Variants in CYYR1 observed in about 807,000 individuals in gnomAD.
CYYR1 encodes the protein cysteine and tyrosine-rich protein 1.
Under a neutral mutation model 15.2 loss-of-function variants are expected in CYYR1, and 14 were observed. The observed-to-expected ratio is 0.92, with a 90% confidence interval of 0.61 to 1.44. CYYR1 has a LOEUF of 1.44. Ranked by LOEUF, CYYR1 falls within the 40% of genes most tolerant of loss-of-function variation. CYYR1 has a pLI of 0.00. For missense variants in CYYR1, 228 were observed against 209.5 expected, an observed-to-expected ratio of 1.09 and a Z score of -0.54; for synonymous variants, 80 against 77.4, an observed-to-expected ratio of 1.03 and a Z score of -0.18.
In CYYR1 at chr21:26,502,887, C is replaced by A. The variant is rs2065501393; in HGVS notation, c.177-22458G>T. ...TGAATATTTCTGTGATGAATTTTTT[C>A]TTTTTATTTCTTATTTACATAAGCT... is the stretch of plus-strand genomic sequence containing the variant. On this transcript the variant is annotated intron_variant, in intron 2 of 3. Coordinates refer to ENST00000652641, the MANE Select transcript of CYYR1 (RefSeq NM_001320768.2). Among the ~76,000 whole-genome samples, 3 of 151,988 alleles carry A rather than the reference C, an allele frequency of 2.0e-5. No homozygotes were observed. The South Asian group carries it at 6.2e-4, about 32-fold the overall frequency.
At chr21:26,487,244 T>C (rs1423140901) in intron 2 of CYYR1, among the ~76,000 whole-genome samples, 1 of 152,052 alleles carries the variant, frequency 6.6e-6, no homozygotes, top group Non-Finnish European at 1.5e-5. Flanking sequence ...AAAGTAACCA[T>C]AGCTTCAAAA....
chr21:26,468,899 A>G (rs1186535303), intron 3 of CYYR1, among the ~76,000 whole-genome samples: 1 of 152,114 alleles, frequency 6.6e-6, no homozygotes, highest in African/African-American at 2.4e-5. Flanking sequence ...GGTGAGGGAC[A>G]ATTCAGGTTG....
At position 26,468,239 on chromosome 21, in the gene CYYR1, T is replaced by G; in HGVS notation, c.*262A>C. On this transcript the variant is annotated 3_prime_UTR_variant, in exon 4 of 4. Transcript: ENST00000652641. ...ATTATCAGATATTTTGTCAATTACATTACTCTTCCCTGAATGTGCTTAGGT... is the reference window on the plus strand; with the variant it reads ...ATTATCAGATATTTTGTCAATTACAGTACTCTTCCCTGAATGTGCTTAGGT... The G allele has an allele frequency of 2.1e-6, 1 of 465,682 alleles. No homozygotes were observed. Among genetic ancestry groups the G allele is most frequent in the Non-Finnish European group, 3.9e-6 (1 of 253,256 alleles). 28.8% of individuals were successfully genotyped at this position (465,682 alleles called of 1,614,324 possible).
At chr21:26,527,816 G>A (rs1001224827) in intron 2 of CYYR1, among the ~76,000 whole-genome samples, 1 of 152,146 alleles carries the variant, frequency 6.6e-6, no homozygotes, top group Non-Finnish European at 1.5e-5. Context: ...TGATTTGAGG[G>A]TGTGTGCACC....
chr21:26,544,703 T>A (rs543238164), intron 2 of CYYR1, among the ~76,000 whole-genome samples: 1 of 152,314 alleles, frequency 6.6e-6, no homozygotes, highest in East Asian at 1.9e-4. Context: ...TAAACATTAT[T>A]TAAATAAATT....
At chr21:26,497,776 A>G (rs2065427675) in intron 2 of CYYR1, among the ~76,000 whole-genome samples, 1 of 152,196 alleles carries the variant, frequency 6.6e-6, no homozygotes, top group Admixed American at 6.5e-5. Context: ...GGACCAATCA[A>G]TTTAGAATCA....
intron 2 of CYYR1, among the ~76,000 whole-genome samples, chr21:26,534,944 TATTCCC>T (rs926917439): frequency 1.3e-5 from 2 of 152,220 alleles, no homozygotes; most frequent in African/African-American, 4.8e-5. Flanking sequence ...TAAATATAAC[TATTCCC>T]ATTTTACAGA....
chr21:26,553,663 C>T (rs1412706594), intron 2 of CYYR1, among the ~76,000 whole-genome samples: 3 of 152,144 alleles, frequency 2.0e-5, no homozygotes, highest in South Asian at 4.1e-4. Flanking sequence ...TATTTACTTT[C>T]CACAGTCCTG....
intron 2 of CYYR1, among the ~76,000 whole-genome samples, chr21:26,524,581 G>A (rs1012573081): frequency 6.6e-6 from 1 of 151,938 alleles, no homozygotes; most frequent in Non-Finnish European, 1.5e-5. Context: ...GGATTCAGAT[G>A]GCTGGAAGCT....
intron 2 of CYYR1, among the ~76,000 whole-genome samples, chr21:26,556,108 T>C (rs1979759173): frequency 1.3e-5 from 2 of 152,222 alleles, no homozygotes; most frequent in South Asian, 2.1e-4. Flanking sequence ...AAAGTGACAA[T>C]TGATTCTATC....
chr21:26,564,876 T>A, intron 2 of CYYR1: 3 of 1,096,080 alleles, frequency 2.7e-6, no homozygotes, highest in Non-Finnish European at 3.5e-6. Context: ...TTATTAATAA[T>A]ATATTTTGTT....
chr21:26,489,140 A>G (rs1457912598), intron 2 of CYYR1, among the ~76,000 whole-genome samples: 2 of 152,208 alleles, frequency 1.3e-5, no homozygotes, highest in Non-Finnish European at 2.9e-5. Context: ...AAGAGACTGC[A>G]TTCAATTTCA....
At chr21:26,532,903 G>A (rs17536810) in intron 2 of CYYR1, among the ~76,000 whole-genome samples, 6,943 of 151,958 alleles carry the variant, frequency 0.046, 185 homozygotes, top group South Asian at 0.062. Context: ...AAAAAATGTC[G>A]TATAAAATTA....
intron 2 of CYYR1, chr21:26,550,350 G>C (rs1979298057): frequency 6.6e-6 from 1 of 152,044 alleles, no homozygotes; most frequent in African/African-American, 2.4e-5. Flanking sequence ...CAAAAACATT[G>C]AAATTAGGCC....
At chr21:26,550,203 A>G (rs1979284392) in intron 2 of CYYR1, 1 of 152,164 alleles carries the variant, frequency 6.6e-6, no homozygotes, top group African/African-American at 2.4e-5. Context: ...TATTGTAATT[A>G]CTTTCGGCCA....
At chr21:26,546,681 A>G (rs1310580268) in intron 2 of CYYR1, among the ~76,000 whole-genome samples, 2 of 152,206 alleles carry the variant, frequency 1.3e-5, no homozygotes, top group African/African-American at 4.8e-5. Flanking sequence ...TCATTTAAAT[A>G]TCTTACTTTT....
At position 26,573,083 on chromosome 21, in the gene CYYR1, C is replaced by G; in HGVS notation, c.-143G>C. 6.5e-7 allele frequency: 1 copy of G among 1,538,342 alleles called. No individual in the cohort carries two copies. The highest frequency in any genetic ancestry group is 8.7e-7 in the Non-Finnish European group (1 of 1,145,924). On this transcript the variant is annotated 5_prime_UTR_variant, in exon 1 of 4. Transcript: ENST00000652641. The stretch of plus-strand genomic sequence containing the variant: ...ACCCGGCCATTGCCTAGGGAGCCTT[C>G]CAAGGGAGCCCGGGCCGGGCGCGTC...
At position 26,496,760 on chromosome 21, in the gene CYYR1, AGAAT is replaced by A. The variant is rs529840800; in HGVS notation, c.177-16335_177-16332del. ...CAAATTTGTGTAGACCCGGATAAAT[AGAAT>A]ATTTATTGATATTTATCCAATACTT... On this transcript the variant is annotated intron_variant, in intron 2 of 3. Transcript: ENST00000652641. Among the ~76,000 whole-genome samples, 262 of 152,300 alleles carry A rather than the reference AGAAT, an allele frequency of 1.7e-3. 1 individual carries two copies. The highest frequency in any genetic ancestry group is 6.0e-3 in the South Asian group (29 of 4,834).
At chr21:26,501,231 G>A (rs1221836508) in intron 2 of CYYR1, among the ~76,000 whole-genome samples, 3 of 152,092 alleles carry the variant, frequency 2.0e-5, no homozygotes, top group Non-Finnish European at 4.4e-5. Flanking sequence ...CTAGCTACTC[G>A]GGAGGCTGAA....
Sources: gnomAD v4.1 joint callset for allele counts (sites outside exome capture counted in the v4.1 genomes callset) on GRCh38, gnomAD v4.1.1 for gene constraint, MANE v1.5 for transcripts, NCBI Gene and HGNC (gene_info 2026-07-23, HGNC 2026-07-21) for gene names.